The following ADAMTS16 variants were observed in gnomAD, a reference collection of about 807,000 sequenced individuals.
ADAMTS16 encodes the protein ADAM metallopeptidase with thrombospondin type 1 motif 16.
ADAMTS16 carries 94 observed loss-of-function variants against 145.8 expected under a neutral mutation model. That is an observed-to-expected ratio of 0.64 (90% CI 0.55 to 0.77). The LOEUF is 0.77. Among genes scored for constraint, ADAMTS16 ranks in the 30% least tolerant of loss-of-function variants. The probability of loss-of-function intolerance (pLI) is 0.00; values close to 1 mark genes in which losing one functional copy is unlikely to be tolerated. For missense variants in ADAMTS16, 1,585 were observed against 1,591.5 expected, an observed-to-expected ratio of 1.00 and a Z score of 0.07; for synonymous variants, 659 against 604.3, an observed-to-expected ratio of 1.09 and a Z score of -1.33.
intron 18 of ADAMTS16, among the ~76,000 whole-genome samples, chr5:5,265,849 A>G (rs1190360946): frequency 6.6e-6 from 1 of 152,166 alleles, no homozygotes; most frequent in East Asian, 1.9e-4. Context: ...AGTTGGGAGC[A>G]TCACTTCCTG....
chr5:5,237,757 A>G (rs1737150864), intron 14 of ADAMTS16, among the ~76,000 whole-genome samples: 1 of 152,206 alleles, frequency 6.6e-6, no homozygotes, highest in Admixed American at 6.5e-5. Flanking sequence ...GAGCAGCTAC[A>G]CTTTCACTGA....
At chr5:5,181,716 G>A (rs13176907) in intron 3 of ADAMTS16, among the ~76,000 whole-genome samples, 38,497 of 152,092 alleles carry the variant, frequency 0.25, 5,893 homozygotes, top group Non-Finnish European at 0.35. Context: ...GTTCTTTCTT[G>A]CACCGTCATT....
At chr5:5,177,025 C>T (rs1169896823) in intron 3 of ADAMTS16, among the ~76,000 whole-genome samples, 6 of 152,228 alleles carry the variant, frequency 3.9e-5, no homozygotes, top group African/African-American at 1.4e-4. Flanking sequence ...GACTCCTTCC[C>T]AGTCCTGCTT....
rs549614567 is a variant in ADAMTS16, at chr5:5,304,075, C to T, written c.3186+309C>T. ...AGGGGTTCACTCATCTCACTGACAGCGGGGCCCTGGAGACTCACCTAACTC... is the reference window on the plus strand; with the variant it reads ...AGGGGTTCACTCATCTCACTGACAGTGGGGCCCTGGAGACTCACCTAACTC... On this transcript the variant is annotated intron_variant, in intron 20 of 22. Transcript: ENST00000274181. Among the ~76,000 whole-genome samples the T allele has an allele frequency of 1.2e-4, 19 of 152,194 alleles. No homozygotes were observed. In the South Asian group the frequency reaches 3.7e-3, roughly 30 times the overall value.
intron 3 of ADAMTS16, among the ~76,000 whole-genome samples, chr5:5,169,267 A>G (rs1734981719): frequency 6.6e-6 from 1 of 152,224 alleles, no homozygotes; most frequent in Non-Finnish European, 1.5e-5. Flanking sequence ...GTTTCAACGT[A>G]GAAGGAAATA....
At chr5:5,306,835 C>A in intron 21 of ADAMTS16, 107 bp downstream of exon 21, 2 of 1,120,640 alleles carry the variant, frequency 1.8e-6, no homozygotes, top group Non-Finnish European at 2.5e-6. Context: ...CCAAAGCTGG[C>A]CAAGCTACTG....
chr5:5,233,673 CTT>C (rs1737007094), intron 12 of ADAMTS16, among the ~76,000 whole-genome samples: 1 of 152,176 alleles, frequency 6.6e-6, no homozygotes, highest in South Asian at 2.1e-4. Flanking sequence ...AACATGATCT[CTT>C]CCTTTTTTAT....
intron 11 of ADAMTS16, among the ~76,000 whole-genome samples, chr5:5,225,973 A>G (rs72491369): frequency 0.19 from 29,190 of 151,836 alleles, 3,284 homozygotes; most frequent in East Asian, 0.5. Flanking sequence ...GTTTTAGGGT[A>G]AAGATTTGGG....
chr5:5,292,681 TCC>T (rs1739380259), intron 18 of ADAMTS16, among the ~76,000 whole-genome samples: 1 of 152,080 alleles, frequency 6.6e-6, no homozygotes, highest in Admixed American at 6.5e-5. Flanking sequence ...CACTGCCTCC[TCC>T]AGTGTCTTCA....
chr5:5,244,098 C>G (rs900451583), intron 17 of ADAMTS16, among the ~76,000 whole-genome samples: 2 of 152,178 alleles, frequency 1.3e-5, no homozygotes, highest in African/African-American at 4.8e-5. Flanking sequence ...TGCTCTGCAG[C>G]CTTCCTTGTA....
At chr5:5,297,302 G>T (rs1259124885) in intron 18 of ADAMTS16, among the ~76,000 whole-genome samples, 1 of 152,150 alleles carries the variant, frequency 6.6e-6, no homozygotes, top group Non-Finnish European at 1.5e-5. Flanking sequence ...CAGAAGAGAA[G>T]ACCTCTTACT....
At chr5:5,152,924 C>T (rs1480141281) in intron 3 of ADAMTS16, among the ~76,000 whole-genome samples, 1 of 152,218 alleles carries the variant, frequency 6.6e-6, no homozygotes, top group Non-Finnish European at 1.5e-5. Flanking sequence ...CTTCAATAGA[C>T]ACTATTATTA....
At chr5:5,168,487 A>G (rs1177168967) in intron 3 of ADAMTS16, among the ~76,000 whole-genome samples, 1 of 144,504 alleles carries the variant, frequency 6.9e-6, no homozygotes, top group Non-Finnish European at 1.5e-5. Flanking sequence ...TTAATTAAAA[A>G]AAAGCATTCA....
chr5:5,157,175 A>G (rs1863967), intron 3 of ADAMTS16, among the ~76,000 whole-genome samples: 20,362 of 152,052 alleles, frequency 0.13, 1,472 homozygotes, highest in South Asian at 0.18. Context: ...ATTAGTAGCA[A>G]AATCAGTGCT....
At chr5:5,147,263 C>T (rs2255273) in intron 3 of ADAMTS16, among the ~76,000 whole-genome samples, 137,225 of 152,258 alleles carry the variant, frequency 0.9, 61,854 homozygotes, top group African/African-American at 0.93. Flanking sequence ...GTGACTTAGA[C>T]AGCAGAGTGA....
Position 5,200,277 on chromosome 5 carries a change from C to G in ADAMTS16, c.1451+8C>G, listed in dbSNP as rs779792264. 27 of 1,613,640 alleles carry G rather than the reference C, an allele frequency of 1.7e-5. No individual in the cohort carries two copies. The highest frequency in any genetic ancestry group is 1.6e-4 in the Middle Eastern group (1 of 6,070). On this transcript the variant is annotated splice_region_variant and intron_variant, in intron 9 of 22. Coordinates refer to ENST00000274181, the MANE Select transcript of ADAMTS16 (RefSeq NM_139056.4). ...TCTACACAAATTTCTAAGGTAGGAA[C>G]TCTTTAAGCTGGTCTTGTGATCTTT... is the stretch of plus-strand genomic sequence containing the variant.
At chr5:5,161,983 C>T (rs1300413413) in intron 3 of ADAMTS16, among the ~76,000 whole-genome samples, 10 of 151,644 alleles carry the variant, frequency 6.6e-5, no homozygotes, top group Admixed American at 4.6e-4. Context: ...GGGAGAAAAA[C>T]GTTTTCTCAT....
intron 18 of ADAMTS16, among the ~76,000 whole-genome samples, chr5:5,300,861 G>A (rs1739739173): frequency 6.6e-6 from 1 of 152,126 alleles, no homozygotes; most frequent in Non-Finnish European, 1.5e-5. Flanking sequence ...GTCCAGCCAG[G>A]CATGCATAGA....
At chr5:5,159,823 T>C (rs1459924507) in intron 3 of ADAMTS16, among the ~76,000 whole-genome samples, 1 of 152,190 alleles carries the variant, frequency 6.6e-6, no homozygotes, top group Non-Finnish European at 1.5e-5. Context: ...AGTTGTCTAT[T>C]CCCAACACCG....
Sources: allele counts gnomAD v4.1 joint callset (sites outside exome capture counted in the v4.1 genomes callset), GRCh38; gene constraint gnomAD v4.1.1; transcripts MANE v1.5; gene names NCBI Gene and HGNC (gene_info 2026-07-23, HGNC 2026-07-21).